Variants in ALK observed in about 807,000 individuals in gnomAD.
ALK encodes the protein ALK tyrosine kinase receptor.
ALK carries 74 observed loss-of-function variants against 163.1 expected under a neutral mutation model. The ratio of observed to expected loss-of-function variants is 0.45; its 90% CI spans 0.38 to 0.55. ALK has a LOEUF of 0.55. Among genes scored for constraint, ALK ranks in the 20% least tolerant of loss-of-function variants. The pLI is 0.00. For missense variants in ALK, 2,063 were observed against 2,105.3 expected (o/e 0.98, Z 0.39); for synonymous variants, 960 against 843.2 (o/e 1.14, Z -2.40).
chr2:29,335,535 G>T (rs1332928501), intron 5 of ALK, among the ~76,000 whole-genome samples: 1 of 152,170 alleles, frequency 6.6e-6, no homozygotes, highest in Admixed American at 6.5e-5. Flanking sequence ...TGGGTACTTT[G>T]CAAGTGGTCT....
chr2:29,863,861 T>C (rs1411598896), intron 1 of ALK, among the ~76,000 whole-genome samples: 2 of 152,170 alleles, frequency 1.3e-5, no homozygotes, highest in Non-Finnish European at 2.9e-5. Context: ...CTTCCCCTAC[T>C]CTTTCATAAG....
At chr2:29,434,166 G>A (rs958460106) in intron 4 of ALK, among the ~76,000 whole-genome samples, 1 of 152,282 alleles carries the variant, frequency 6.6e-6, no homozygotes, top group Non-Finnish European at 1.5e-5. Flanking sequence ...GAAAGGGAAT[G>A]CATAAAATTT....
At chr2:29,416,029 C>A (rs901002176) in intron 4 of ALK, among the ~76,000 whole-genome samples, 1 of 152,204 alleles carries the variant, frequency 6.6e-6, no homozygotes, top group African/African-American at 2.4e-5. Flanking sequence ...CTACATTAAA[C>A]CACCAGTTTT....
chr2:29,203,414 T>C (rs1669229701), intron 26 of ALK, among the ~76,000 whole-genome samples: 1 of 120,468 alleles, frequency 8.3e-6, no homozygotes, highest in Non-Finnish European at 1.6e-5. Flanking sequence ...CTATTATTTT[T>C]TACTATTAAT....
intron 3 of ALK, among the ~76,000 whole-genome samples, chr2:29,547,076 A>T (rs747136562): frequency 6.6e-6 from 1 of 152,212 alleles, no homozygotes; most frequent in African/African-American, 2.4e-5. Context: ...GTCAATGCAC[A>T]TGCAGGAAGC....
intron 1 of ALK, among the ~76,000 whole-genome samples, chr2:29,913,090 T>C (rs946207669): frequency 1.3e-5 from 2 of 151,992 alleles, no homozygotes; most frequent in Non-Finnish European, 2.9e-5. Context: ...TCTGACTGCC[T>C]ACCACTGCAT....
chr2:29,495,962 G>C (rs552913251), intron 4 of ALK, among the ~76,000 whole-genome samples: 4 of 152,282 alleles, frequency 2.6e-5, no homozygotes, highest in Admixed American at 6.5e-5. Context: ...TCCTAACCTA[G>C]TTGAGGAAAA....
chr2:29,825,196 C>G (rs1278081010), intron 1 of ALK, among the ~76,000 whole-genome samples: 2 of 152,234 alleles, frequency 1.3e-5, no homozygotes, highest in Non-Finnish European at 2.9e-5. Context: ...GTCCATTAAA[C>G]TTCTTTGTTT....
intron 4 of ALK, among the ~76,000 whole-genome samples, chr2:29,447,342 T>A (rs1174488705): frequency 6.6e-6 from 1 of 152,108 alleles, no homozygotes; most frequent in East Asian, 1.9e-4. Flanking sequence ...GACTAAACCA[T>A]CACAGTATCT....
intron 1 of ALK, among the ~76,000 whole-genome samples, chr2:29,831,108 GAGAAGA>G (rs1187040597): frequency 3.5e-4 from 9 of 25,460 alleles, no homozygotes; most frequent in African/African-American, 1.4e-3. Context: ...GGAGGAGGAG[GAGAAGA>G]AGAAGAAGAA....
intron 4 of ALK, among the ~76,000 whole-genome samples, chr2:29,520,530 C>G (rs1200696787): frequency 1.3e-5 from 2 of 152,134 alleles, no homozygotes; most frequent in Non-Finnish European, 2.9e-5. Flanking sequence ...TGAGAACACT[C>G]ATAGAGATGT....
chr2:29,861,635 A>T lies in ALK; in HGVS notation c.667+58358T>A, dbSNP rs1666294677. Among the ~76,000 whole-genome samples the T allele has an allele frequency of 2.6e-5, 4 of 152,220 alleles. No individual in the cohort carries two copies. The South Asian group carries it at 8.3e-4, about 31-fold the overall frequency. On this transcript the variant is annotated intron_variant, in intron 1 of 28. Transcript: ENST00000389048. ...AATGAGTAAAAAGATTGAATCAGTA[A>T]TCAAAAATCTCCCATCAAAGAAAAG... is the stretch of plus-strand genomic sequence containing the variant.
At chr2:29,644,826 T>C (rs567849103) in intron 3 of ALK, among the ~76,000 whole-genome samples, 29 of 152,306 alleles carry the variant, frequency 1.9e-4, no homozygotes, top group African/African-American at 7.0e-4. Flanking sequence ...ATTCCTTAAA[T>C]AGAAATTTCA....
chr2:29,356,785 G>C (rs962477980), intron 5 of ALK, among the ~76,000 whole-genome samples: 1 of 152,174 alleles, frequency 6.6e-6, no homozygotes, highest in African/African-American at 2.4e-5. Flanking sequence ...CACACAGCAG[G>C]GCTCTTGTGC....
chr2:29,446,874 G>A (rs80348534), intron 4 of ALK, among the ~76,000 whole-genome samples: 3,122 of 152,292 alleles, frequency 0.021, 93 homozygotes, highest in African/African-American at 0.07. Context: ...TTTATAAAAT[G>A]CAGATGCTGG....
chr2:29,500,257 C>T (rs183897174), intron 4 of ALK, among the ~76,000 whole-genome samples: 13 of 152,288 alleles, frequency 8.5e-5, no homozygotes, highest in African/African-American at 2.4e-4. Context: ...ACCATCCCCT[C>T]GGTACTGTTC....
chr2:29,392,121 G>T (rs1054037326), intron 4 of ALK, among the ~76,000 whole-genome samples: 1 of 152,202 alleles, frequency 6.6e-6, no homozygotes, highest in Non-Finnish European at 1.5e-5. Flanking sequence ...TGTGTGGTGG[G>T]ATTTGGGGGT....
chr2:29,443,027 A>G lies in ALK; in HGVS notation c.1155-59168T>C, dbSNP rs572711344. On this transcript the variant is annotated intron_variant, in intron 4 of 28. Coordinates refer to ENST00000389048, the MANE Select transcript of ALK (RefSeq NM_004304.5). ...AGCACGTCCTGTGTGTCCTGCTCAA[A>G]GGATGACTGTGGAACAGAGAATGAA... Among the ~76,000 whole-genome samples the G allele has an allele frequency of 1.6e-4, 25 of 152,330 alleles. No homozygotes were observed. In the South Asian group the frequency reaches 5.2e-3, roughly 32 times the overall value.
At chr2:29,613,914 AG>A (rs903297597) in intron 3 of ALK, among the ~76,000 whole-genome samples, 9 of 152,140 alleles carry the variant, frequency 5.9e-5, no homozygotes, top group African/African-American at 1.4e-4. Flanking sequence ...GTCAGGAAAA[AG>A]GGGGGGTTCT....
Sources: allele counts gnomAD v4.1 joint callset (sites outside exome capture counted in the v4.1 genomes callset), GRCh38; gene constraint gnomAD v4.1.1; transcripts MANE v1.5; gene names NCBI Gene and HGNC (gene_info 2026-07-23, HGNC 2026-07-21).